Variants in GALNTL6 observed in about 807,000 individuals in gnomAD.
The protein encoded by GALNTL6 is polypeptide N-acetylgalactosaminyltransferase-like 6.
In GALNTL6, 46 loss-of-function variants were observed where a neutral mutation model predicts 73.7. The ratio of observed to expected loss-of-function variants is 0.62; its 90% CI spans 0.49 to 0.80. The LOEUF (loss-of-function observed/expected upper bound fraction) is 0.80. Among genes scored for constraint, GALNTL6 ranks in the 30% least tolerant of loss-of-function variants. The probability of loss-of-function intolerance (pLI) is 0.00; values close to 1 mark genes in which losing one functional copy is unlikely to be tolerated. For missense variants in GALNTL6, 604 were observed against 755.0 expected (o/e 0.80, Z 2.34); for synonymous variants, 259 against 263.7 (o/e 0.98, Z 0.17).
In GALNTL6 at chr4:172,809,574, T is replaced by G. The variant is rs764564454; in HGVS notation, c.739+28T>G. ...GAGTACAGGTTGCTAAGCACCATCC[T>G]GGGATGCCTCAGGGGAACTGAGCGG... is the stretch of plus-strand genomic sequence containing the variant. On this transcript the variant is annotated intron_variant, in intron 6 of 12. Transcript: ENST00000506823. The surrounding 1 kb of genome is among the most constrained non-coding windows in gnomAD (Gnocchi z 4.4). 2.1e-5 allele frequency: 33 copies of G among 1,569,572 alleles called. No individual in the cohort carries two copies. The highest frequency in any genetic ancestry group is 1.8e-4 in the Middle Eastern group (1 of 5,426).
intron 5 of GALNTL6, among the ~76,000 whole-genome samples, chr4:172,696,823 A>T (rs1489889866): frequency 6.6e-6 from 1 of 152,236 alleles, no homozygotes; most frequent in African/African-American, 2.4e-5. Flanking sequence ...AGAGAAAAAA[A>T]TCATCACTTC....
intron 5 of GALNTL6, among the ~76,000 whole-genome samples, chr4:172,473,623 C>G (rs1733131069): frequency 6.6e-6 from 1 of 152,174 alleles, no homozygotes; most frequent in Non-Finnish European, 1.5e-5. Context: ...CTTTACAAGG[C>G]TTCCAAAATA....
intron 5 of GALNTL6, chr4:172,380,100 TC>T: frequency 4.1e-6 from 4 of 981,208 alleles, no homozygotes; most frequent in South Asian, 2.6e-5. Flanking sequence ...CGTTGGTGTT[TC>T]CACTGCTCCT....
chr4:172,876,186 C>T (rs1459159), intron 7 of GALNTL6, among the ~76,000 whole-genome samples: 151,733 of 152,352 alleles, frequency 1, 75,562 homozygotes, highest in Middle Eastern at 1. Context: ...AAAGCATATT[C>T]AATCTTATAA....
intron 5 of GALNTL6, among the ~76,000 whole-genome samples, chr4:172,735,844 C>T (rs376644023): frequency 2.6e-5 from 4 of 152,036 alleles, no homozygotes; most frequent in African/African-American, 9.7e-5. Context: ...TAAAGAGAAA[C>T]AGTACAAAAG....
intron 5 of GALNTL6, among the ~76,000 whole-genome samples, chr4:172,642,945 A>G (rs2111127285): frequency 6.6e-6 from 1 of 152,026 alleles, no homozygotes; most frequent in South Asian, 2.1e-4. Flanking sequence ...TTTCATAATT[A>G]CAAAGGTTAA....
At chr4:171,867,494 T>G (rs917141200) in intron 2 of GALNTL6, among the ~76,000 whole-genome samples, 1 of 152,198 alleles carries the variant, frequency 6.6e-6, no homozygotes, top group Non-Finnish European at 1.5e-5. Context: ...CATTTTCCAT[T>G]CTGCTTACAA....
chr4:172,112,237 T>G (rs1732872088), intron 2 of GALNTL6, among the ~76,000 whole-genome samples: 1 of 152,068 alleles, frequency 6.6e-6, no homozygotes. Flanking sequence ...GCTCACCTCT[T>G]TTTAGCTTAA....
intron 2 of GALNTL6, among the ~76,000 whole-genome samples, chr4:171,835,607 A>C (rs1031761732): frequency 6.6e-6 from 1 of 151,908 alleles, no homozygotes; most frequent in East Asian, 1.9e-4. Flanking sequence ...TTATTTATGG[A>C]TATAGCATTA....
intron 5 of GALNTL6, among the ~76,000 whole-genome samples, chr4:172,749,476 C>T (rs1299739266): frequency 6.6e-5 from 10 of 152,118 alleles, no homozygotes; most frequent in Non-Finnish European, 1.3e-4. Context: ...TTATAAATTA[C>T]TAAGTTTTTA....
At chr4:172,205,889 T>G (rs1736094647) in intron 2 of GALNTL6, among the ~76,000 whole-genome samples, 1 of 152,210 alleles carries the variant, frequency 6.6e-6, no homozygotes, top group Non-Finnish European at 1.5e-5. Context: ...GTTCTATGCC[T>G]TGTTGTTTTG....
chr4:171,864,668 A>G (rs1265238515), intron 2 of GALNTL6, among the ~76,000 whole-genome samples: 2 of 152,152 alleles, frequency 1.3e-5, no homozygotes, highest in South Asian at 2.1e-4. Context: ...AAGAGATGCA[A>G]TATTTAATAA....
chr4:172,386,448 G>C (rs1383329211), intron 5 of GALNTL6, among the ~76,000 whole-genome samples: 8 of 152,082 alleles, frequency 5.3e-5, no homozygotes, highest in African/African-American at 1.9e-4. Context: ...TGAGAGTATT[G>C]TTATAATCAT....
At chr4:172,528,977 T>A (rs2604455) in intron 5 of GALNTL6, among the ~76,000 whole-genome samples, 698 of 6,274 alleles carry the variant, frequency 0.11, 2 homozygotes, top group East Asian at 0.34. Context: ...GTGTGTATAT[T>A]TATACATATG....
chr4:172,053,829 G>A (rs544984692), intron 2 of GALNTL6, among the ~76,000 whole-genome samples: 1 of 152,120 alleles, frequency 6.6e-6, no homozygotes, highest in East Asian at 1.9e-4. Flanking sequence ...GTCCCCTAGC[G>A]AAGGAGGCAA....
chr4:172,664,482 C>G (rs543391108), intron 5 of GALNTL6, among the ~76,000 whole-genome samples: 1 of 152,200 alleles, frequency 6.6e-6, no homozygotes, highest in Non-Finnish European at 1.5e-5. Context: ...AATCTCTTGT[C>G]TCTTTTCCTC....
intron 2 of GALNTL6, among the ~76,000 whole-genome samples, chr4:172,135,074 C>T (rs1733600893): frequency 6.6e-6 from 1 of 152,090 alleles, no homozygotes; most frequent in South Asian, 2.1e-4. Context: ...ATTTACCATC[C>T]ATTGCTTCTT....
At chr4:172,176,148 G>A (rs1243736551) in intron 2 of GALNTL6, among the ~76,000 whole-genome samples, 1 of 151,486 alleles carries the variant, frequency 6.6e-6, no homozygotes, top group East Asian at 1.9e-4. Context: ...GACCATCCTG[G>A]CTAACACGGT....
chr4:172,889,426 A>G (rs1745902665), intron 8 of GALNTL6, among the ~76,000 whole-genome samples: 1 of 151,962 alleles, frequency 6.6e-6, no homozygotes, highest in Non-Finnish European at 1.5e-5. Context: ...TTTGATATAT[A>G]TTTTTAATGC....
Sources: gnomAD v4.1 joint callset for allele counts (sites outside exome capture counted in the v4.1 genomes callset) on GRCh38, gnomAD v4.1.1 for gene constraint, Gnocchi (gnomAD v3.1) non-coding constraint, MANE v1.5 for transcripts, NCBI Gene and HGNC (gene_info 2026-07-23, HGNC 2026-07-21) for gene names.